The following ALPK2 variants were observed in gnomAD, a reference collection of about 807,000 sequenced individuals.
ALPK2 encodes alpha kinase 2.
ALPK2 carries 127 observed loss-of-function variants against 163.1 expected under a neutral mutation model. The observed-to-expected ratio is 0.78, with a 90% CI of 0.67 to 0.90. ALPK2 has a LOEUF of 0.90. ALPK2 is among the 40% of genes least tolerant of loss of function. ALPK2 has a pLI of 0.00. For missense variants in ALPK2, 2,360 were observed against 2,589.6 expected, an observed-to-expected ratio of 0.91 and a Z score of 1.92; for synonymous variants, 953 against 959.1, an observed-to-expected ratio of 0.99 and a Z score of 0.12.
chr18:58,573,320 A>G (rs1638737245), intron 4 of ALPK2, among the ~76,000 whole-genome samples: 1 of 145,888 alleles, frequency 6.9e-6, no homozygotes, highest in Non-Finnish European at 1.5e-5. Flanking sequence ...ATATGTGTGT[A>G]TATATGTATA....
At chr18:58,506,732 A>AT (rs1188407014) in intron 10 of ALPK2, among the ~76,000 whole-genome samples, 1 of 152,220 alleles carries the variant, frequency 6.6e-6, no homozygotes, top group Non-Finnish European at 1.5e-5. Flanking sequence ...ATGAATATAT[A>AT]TGTATGTATA....
chr18:58,487,776 C>T (rs2144096599), intron 12 of ALPK2, among the ~76,000 whole-genome samples: 2 of 152,272 alleles, frequency 1.3e-5, no homozygotes, highest in East Asian at 3.9e-4. Flanking sequence ...AATCCCAGCA[C>T]TTTGGGAGGC....
At position 58,622,107 on chromosome 18, in the gene ALPK2, G is replaced by A. The variant is rs538560459; in HGVS notation, c.-21+6657C>T. On this transcript the variant is annotated intron_variant, in intron 1 of 12. Coordinates refer to ENST00000361673, the MANE Select transcript of ALPK2 (RefSeq NM_052947.4). ...CACTCCTGTAATCCCAGCATTTTGGGAGGCCGAGGCAGGCAGATCACCTGA... is the reference window on the plus strand; with the variant it reads ...CACTCCTGTAATCCCAGCATTTTGGAAGGCCGAGGCAGGCAGATCACCTGA... Among the ~76,000 whole-genome samples, 12 of 152,116 alleles carry A rather than the reference G, an allele frequency of 7.9e-5. No homozygotes were observed. In the South Asian group the frequency reaches 1.9e-3, roughly 24 times the overall value.
chr18:58,585,811 G>A (rs2144205266), intron 3 of ALPK2, among the ~76,000 whole-genome samples: 1 of 150,934 alleles, frequency 6.6e-6, no homozygotes, highest in East Asian at 2.0e-4. Flanking sequence ...AGCCTCCCAA[G>A]TAGCTGGGAC....
intron 8 of ALPK2, among the ~76,000 whole-genome samples, chr18:58,521,625 C>CCCT (rs2051552284): frequency 2.0e-5 from 1 of 50,560 alleles, no homozygotes; most frequent in Admixed American, 2.6e-4. Context: ...CTTTCTCTCT[C>CCCT]TCTTTTTTTT....
At chr18:58,513,314 C>T (rs1299405511) in intron 10 of ALPK2, among the ~76,000 whole-genome samples, 1 of 151,854 alleles carries the variant, frequency 6.6e-6, no homozygotes, top group Middle Eastern at 3.2e-3. Flanking sequence ...ATTTAGGTTC[C>T]ATAAACATGG....
chr18:58,487,203 A>G (rs1282286808), intron 12 of ALPK2, among the ~76,000 whole-genome samples: 1 of 152,220 alleles, frequency 6.6e-6, no homozygotes, highest in Non-Finnish European at 1.5e-5. Context: ...ACACTGGAGC[A>G]GGGGAGGCCC....
chr18:58,579,417 A>G lies in ALPK2; in HGVS notation c.1359T>C (p.Thr453=), dbSNP rs778966500. The change falls in exon 4 of 13, where the codon ACT becomes ACC. Residue 453 remains threonine, a synonymous_variant. Transcript: ENST00000361673. ...AATCATTTTCAGCAGCCTCGGGAGCAGTGGGGAGTTTATATCTCCCCTGTT... is the reference window on the plus strand; with the variant it reads ...AATCATTTTCAGCAGCCTCGGGAGCGGTGGGGAGTTTATATCTCCCCTGTT... ...VTEQGRYKLP[T]APEAAENDYP... is the part of the protein sequence containing the mutation. The G allele has an allele frequency of 7.4e-6, 12 of 1,614,062 alleles. No homozygotes were observed. The highest frequency in any genetic ancestry group is 2.2e-5 in the East Asian group (1 of 44,886).
At chr18:58,492,874 C>T (rs976188490) in intron 12 of ALPK2, among the ~76,000 whole-genome samples, 7 of 152,198 alleles carry the variant, frequency 4.6e-5, no homozygotes, top group Non-Finnish European at 7.3e-5. Context: ...CATGTCCTGG[C>T]TGGCTCTGTT....
chr18:58,528,840 G>T (rs11659982), intron 6 of ALPK2: 157,467 of 462,924 alleles, frequency 0.34, 29,306 homozygotes, highest in Non-Finnish European at 0.41. Context: ...AAAAAATGTA[G>T]TGAAAGGTTG....
intron 4 of ALPK2, among the ~76,000 whole-genome samples, chr18:58,538,934 A>G (rs2051674368): frequency 6.6e-6 from 1 of 151,526 alleles, no homozygotes; most frequent in South Asian, 2.1e-4. Context: ...CTATCTCTGA[A>G]AATGCCAGCT....
At chr18:58,513,043 TGTG>T (rs771601753) in intron 10 of ALPK2, among the ~76,000 whole-genome samples, 6 of 138,924 alleles carry the variant, frequency 4.3e-5, no homozygotes, top group Admixed American at 1.4e-4. Flanking sequence ...TTGTGTGTGG[TGTG>T]GTGTGTTTGT....
intron 1 of ALPK2, among the ~76,000 whole-genome samples, chr18:58,627,709 TC>T (rs1284240794): frequency 2.0e-5 from 3 of 152,218 alleles, no homozygotes; most frequent in African/African-American, 7.2e-5. Flanking sequence ...TTGTTTTAAG[TC>T]CTGATTTCCA....
chr18:58,498,902 G>A (rs540310250), intron 11 of ALPK2, among the ~76,000 whole-genome samples: 4 of 152,234 alleles, frequency 2.6e-5, no homozygotes, highest in South Asian at 2.1e-4. Context: ...TGTCTTTATC[G>A]GCAGTGTGAA....
At chr18:58,490,176 G>A (rs75095889) in intron 12 of ALPK2, among the ~76,000 whole-genome samples, 2,223 of 152,306 alleles carry the variant, frequency 0.015, 48 homozygotes, top group African/African-American at 0.051. Flanking sequence ...ACTTTGAAAA[G>A]CACTTTTAAA....
intron 6 of ALPK2, among the ~76,000 whole-genome samples, chr18:58,528,422 G>C (rs2051594845): frequency 6.6e-6 from 1 of 152,126 alleles, no homozygotes; most frequent in South Asian, 2.1e-4. Flanking sequence ...AGTAATCCTA[G>C]GTACTCGGGA....
intron 8 of ALPK2, among the ~76,000 whole-genome samples, chr18:58,522,337 C>G (rs1239659176): frequency 6.6e-6 from 1 of 152,154 alleles, no homozygotes; most frequent in African/African-American, 2.4e-5. Flanking sequence ...AGAACTTCCC[C>G]AACCCTCAGC....
chr18:58,521,445 T>A (rs558692866), intron 8 of ALPK2, among the ~76,000 whole-genome samples: 5 of 152,212 alleles, frequency 3.3e-5, no homozygotes, highest in African/African-American at 1.2e-4. Context: ...ATATTTTGCC[T>A]TCTGGGGAGA....
chr18:58,484,627 C>T (rs2051329254), intron 12 of ALPK2, among the ~76,000 whole-genome samples: 2 of 152,112 alleles, frequency 1.3e-5, no homozygotes, highest in Non-Finnish European at 2.9e-5. Flanking sequence ...GCCTGTAGTC[C>T]CAGCTACTCA....
Sources: gnomAD v4.1 joint callset for allele counts (sites outside exome capture counted in the v4.1 genomes callset) on GRCh38, gnomAD v4.1.1 for gene constraint, MANE v1.5 for transcripts, NCBI Gene and HGNC (gene_info 2026-07-23, HGNC 2026-07-21) for gene names.